YARS2: variants seen among roughly 807,000 people sequenced by gnomAD.
YARS2 encodes the protein tyrosyl-tRNA synthetase 2.
YARS2 carries 38 observed loss-of-function variants against 45.0 expected under a neutral mutation model. The observed-to-expected ratio is 0.84, with a 90% CI of 0.65 to 1.11. The LOEUF (loss-of-function observed/expected upper bound fraction) is 1.11, where lower values mean the gene tolerates loss of function less well. Ranked by LOEUF, YARS2 falls within the 50% of genes least tolerant of loss-of-function variation. The pLI is 0.00. For missense variants in YARS2, 602 were observed against 599.8 expected (o/e 1.00, Z -0.04); for synonymous variants, 287 against 245.1 (o/e 1.17, Z -1.60).
intron 1 of YARS2, 140 bp downstream of exon 1, chr12:32,754,956 C>T: frequency 9.4e-7 from 1 of 1,058,946 alleles, no homozygotes; most frequent in Non-Finnish European, 1.5e-6. Context: ...GTTATTAACG[C>T]CATTATAGAG....
At chr12:32,748,827 A>G (rs1260600482) in intron 4 of YARS2, among the ~76,000 whole-genome samples, 1 of 152,238 alleles carries the variant, frequency 6.6e-6, no homozygotes, top group East Asian at 1.9e-4. Context: ...AATGTCATTC[A>G]TAATCATGGC....
intron 2 of YARS2, among the ~76,000 whole-genome samples, chr12:32,752,328 G>A (rs139944991): frequency 1.3e-5 from 2 of 152,216 alleles, no homozygotes; most frequent in East Asian, 1.9e-4. Context: ...GTATTGGGCC[G>A]GGCGCAGTGG....
At chr12:32,754,548 A>G (rs1425884856) in intron 1 of YARS2, among the ~76,000 whole-genome samples, 1 of 152,154 alleles carries the variant, frequency 6.6e-6, no homozygotes, top group African/African-American at 2.4e-5. Flanking sequence ...CCAAGGACTA[A>G]CACTAGTTTC....
intron 4 of YARS2, among the ~76,000 whole-genome samples, chr12:32,749,223 T>G (rs1955694242): frequency 6.6e-6 from 1 of 152,166 alleles, no homozygotes; most frequent in Non-Finnish European, 1.5e-5. Flanking sequence ...CATCCCCGAA[T>G]ATAAAAAGGA....
At position 32,755,884 on chromosome 12, in the gene YARS2, G is replaced by A; in HGVS notation, c.-10C>T. 3.7e-6 allele frequency: 6 copies of A among 1,612,788 alleles called. No individual in the cohort carries two copies. Among genetic ancestry groups the A allele is most frequent in the South Asian group, 1.1e-5 (1 of 91,064 alleles). ...AGATGGGCGCCGCCATCTTGGTAGC[G>A]GCACGAAGGGAATGCTGGGATTGCA... On this transcript the variant is annotated 5_prime_UTR_variant, in exon 1 of 5. Transcript: ENST00000324868.
chr12:32,750,926 T>C (rs954163284), intron 2 of YARS2, 52 bp from the exon 3 acceptor site: 4 of 1,598,236 alleles, frequency 2.5e-6, no homozygotes, highest in Admixed American at 3.3e-5. Flanking sequence ...CTAATTTTTA[T>C]CTCCAGCTCT....
chr12:32,753,231 G>A (rs1202857502), intron 2 of YARS2, among the ~76,000 whole-genome samples: 1 of 151,652 alleles, frequency 6.6e-6, no homozygotes, highest in Non-Finnish European at 1.5e-5. Context: ...AGCCAAGACT[G>A]CGTCACTACA....
intron 4 of YARS2, 64 bp from the exon 5 acceptor site, chr12:32,747,427 AG>A: frequency 6.4e-7 from 1 of 1,556,980 alleles, no homozygotes; most frequent in Non-Finnish European, 8.8e-7. Flanking sequence ...CCCCCAAAAA[AG>A]ACTGTTTCAC....
At chr12:32,750,522 A>C (rs1955722730) in intron 3 of YARS2, among the ~76,000 whole-genome samples, 197 bp downstream of exon 3, 1 of 152,332 alleles carries the variant, frequency 6.6e-6, no homozygotes, top group South Asian at 2.1e-4. Flanking sequence ...TTTTTTAAAC[A>C]TCTATCTGGT....
rs1955836636 is a variant in YARS2 at position 32,755,766 on chromosome 12, C to T, written c.109G>A (p.Gly37Arg). ...GLRKAHSGAQGLLAAQKARGL... is the reference protein window; with the variant it reads ...GLRKAHSGAQRLLAAQKARGL... ...CGAGCCTTCTGCGCTGCCAGTAACC[C>T]CTGAGCGCCCGAGTGGGCCTTACGC... is the stretch of plus-strand genomic sequence containing the variant. The change falls in exon 1 of 5, where the codon GGG becomes AGG. Residue 37 changes from glycine to arginine, a missense_variant. Coordinates refer to ENST00000324868, the MANE Select transcript of YARS2 (RefSeq NM_001040436.3). The T allele has an allele frequency of 1.9e-6, 3 of 1,613,978 alleles. No individual in the cohort carries two copies. The highest frequency in any genetic ancestry group is 1.7e-6 in the Non-Finnish European group (2 of 1,179,988).
chr12:32,755,398 G>A lies in YARS2; in HGVS notation c.477C>T (p.Phe159=), dbSNP rs774325742. The change falls in exon 1 of 5, where the codon TTC becomes TTT. Residue 159 remains phenylalanine, a synonymous_variant. Coordinates refer to ENST00000324868, the MANE Select transcript of YARS2 (RefSeq NM_001040436.3). ...EALAANHQQL[F]TDGRSWGSFT... ...AGCTGCCCCAGGAGCGCCCATCAGT[G>A]AAAAGCTGCTGGTGATTAGCCGCCA... is the stretch of plus-strand genomic sequence containing the variant. 86 of 1,613,864 alleles carry A rather than the reference G, an allele frequency of 5.3e-5. 2 individuals carry two copies. In the Middle Eastern group the frequency reaches 5.1e-3, roughly 96 times the overall value.
At chr12:32,749,767 C>T (rs1408593958) in intron 4 of YARS2, among the ~76,000 whole-genome samples, 170 bp downstream of exon 4, 2 of 151,984 alleles carry the variant, frequency 1.3e-5, no homozygotes, top group Non-Finnish European at 2.9e-5. Flanking sequence ...TTAGTAGAGA[C>T]AGGGTTTCAC....
At chr12:32,748,451 A>G (rs1955681539) in intron 4 of YARS2, among the ~76,000 whole-genome samples, 1 of 152,094 alleles carries the variant, frequency 6.6e-6, no homozygotes, top group Non-Finnish European at 1.5e-5. Flanking sequence ...AAACCTATTT[A>G]GCTTATATAA....
At chr12:32,750,228 G>T in intron 3 of YARS2, 121 bp from the exon 4 acceptor site, 1 of 1,157,636 alleles carries the variant, frequency 8.6e-7, no homozygotes, top group Non-Finnish European at 1.2e-6. Context: ...TTGAGATGGA[G>T]TCTCGCTCTG....
intron 2 of YARS2, among the ~76,000 whole-genome samples, chr12:32,751,593 A>G (rs999511745): frequency 2.0e-5 from 3 of 152,214 alleles, no homozygotes; most frequent in African/African-American, 4.8e-5. Flanking sequence ...GTTTCTGTCA[A>G]TGATGGACTA....
intron 4 of YARS2, 141 bp from the exon 5 acceptor site, chr12:32,747,504 G>C: frequency 1.2e-6 from 1 of 824,690 alleles, no homozygotes; most frequent in Non-Finnish European, 2.0e-6. Flanking sequence ...CTTCATGTTT[G>C]CTCTATTATT....
chr12:32,749,615 C>T (rs146477495), intron 4 of YARS2, among the ~76,000 whole-genome samples: 301 of 152,260 alleles, frequency 2.0e-3, no homozygotes, highest in Non-Finnish European at 3.8e-3. Flanking sequence ...GAGTCTTGCT[C>T]TGTCACCCAG....
intron 3 of YARS2, 29 bp downstream of exon 3, chr12:32,750,690 A>T (rs1369707845): frequency 1.2e-6 from 2 of 1,612,298 alleles, no homozygotes; most frequent in Non-Finnish European, 1.7e-6. Context: ...ATAACTAACT[A>T]TCAAGTGTTA....
At position 32,754,079 on chromosome 12, in the gene YARS2, A is replaced by G; in HGVS notation, c.786T>C (p.Thr262=). 6.2e-7 allele frequency: 1 copy of G among 1,614,236 alleles called. No individual in the cohort carries two copies. Residue 262 remains threonine (T), a synonymous_variant, in exon 2 of 5, where the codon ACT becomes ACC. Transcript: ENST00000324868. ...CGGTGATTCCAAATACATCTTCTCCAGTCAACCTACGCATAAAGAACAATT... is the reference window on the plus strand; with the variant it reads ...CGGTGATTCCAAATACATCTTCTCCGGTCAACCTACGCATAAAGAACAATT... The part of the protein sequence containing the change: ...MSGYEFINKL[T]GEDVFGITVP...
Sources: gnomAD v4.1 joint callset for allele counts (sites outside exome capture counted in the v4.1 genomes callset) on GRCh38, gnomAD v4.1.1 for gene constraint, MANE v1.5 for transcripts, NCBI Gene and HGNC (gene_info 2026-07-23, HGNC 2026-07-21) for gene names.